RMST: variants seen among roughly 807,000 people sequenced by gnomAD.
RMST encodes rhabdomyosarcoma 2 associated transcript.
At chr12:97,466,826 T>C (rs1336574335) in intron 5 of RMST, among the ~76,000 whole-genome samples, 4 of 152,106 alleles carry the variant, frequency 2.6e-5, no homozygotes, top group African/African-American at 9.6e-5. Context: ...AAAAGTTATT[T>C]CAGAAAAGTC....
intron 10 of RMST, among the ~76,000 whole-genome samples, chr12:97,501,131 C>T (rs1270522850): frequency 1.3e-5 from 2 of 152,154 alleles, no homozygotes; most frequent in Non-Finnish European, 2.9e-5. Flanking sequence ...TGGAATATGA[C>T]CTAGCTGAAG....
chr12:97,470,683 AG>A (rs1291129042), intron 5 of RMST, among the ~76,000 whole-genome samples: 1 of 152,052 alleles, frequency 6.6e-6, no homozygotes, highest in Non-Finnish European at 1.5e-5. Context: ...TCTAAGGGAA[AG>A]TGCAATTGTG....
At chr12:97,529,876 A>G (rs1354016684) in intron 10 of RMST, among the ~76,000 whole-genome samples, 1 of 152,122 alleles carries the variant, frequency 6.6e-6, no homozygotes, top group African/African-American at 2.4e-5. Flanking sequence ...AATTTGTATT[A>G]AAATGTAATT....
chr12:97,537,375 G>C (rs560406651), intron 11 of RMST, among the ~76,000 whole-genome samples: 1 of 151,274 alleles, frequency 6.6e-6, no homozygotes, highest in Non-Finnish European at 1.5e-5. Context: ...GAAAATACAG[G>C]CCAATTAAAG....
chr12:97,532,645 GTTTTTTTTTTTT>G (rs34556876), intron 11 of RMST: 2 of 98,364 alleles, frequency 2.0e-5, no homozygotes, highest in East Asian at 6.6e-4. Flanking sequence ...CTGATGTCCC[GTTTTTTTTTTTT>G]TTTTTTTTTT....
intron 5 of RMST, among the ~76,000 whole-genome samples, chr12:97,482,749 T>TA (rs1875545225): frequency 2.3e-5 from 1 of 42,924 alleles, no homozygotes; most frequent in African/African-American, 7.8e-5. Flanking sequence ...ATTATTTATT[T>TA]ATTAAATAAA....
chr12:97,474,624 C>CAAAAA (rs34888626), intron 5 of RMST, among the ~76,000 whole-genome samples: 4 of 55,794 alleles, frequency 7.2e-5, no homozygotes, highest in Non-Finnish European at 9.8e-5. Context: ...AAAAAGAAGC[C>CAAAAA]AAAAAAAAAA....
At chr12:97,535,829 T>G (rs1882031027) in intron 11 of RMST, among the ~76,000 whole-genome samples, 1 of 151,584 alleles carries the variant, frequency 6.6e-6, no homozygotes, top group Admixed American at 6.6e-5. Flanking sequence ...GAGTTTAGAG[T>G]GCTTTGAGTA....
chr12:97,500,164 C>T (rs1283970858), intron 10 of RMST, among the ~76,000 whole-genome samples: 8 of 152,172 alleles, frequency 5.3e-5, no homozygotes, highest in Non-Finnish European at 1.0e-4. Flanking sequence ...TTATATCATT[C>T]AACGCAGAGA....
chr12:97,506,744 C>T lies in RMST; in HGVS notation n.1340+10688C>T, dbSNP rs184087025. Among the ~76,000 whole-genome samples the T allele has an allele frequency of 1.2e-3, 154 of 133,364 alleles. 2 individuals carry two copies. The South Asian group carries it at 0.013, about 11-fold the overall frequency. The allele number at this position is 133,364 out of a possible 152,430, so 87.5% of individuals were successfully genotyped here. On this transcript the variant is annotated intron_variant and non_coding_transcript_variant, in intron 10 of 13. Coordinates refer to ENST00000640149, the Ensembl canonical transcript of RMST. ...TGTCACCCAGGGTGGAGTGCAATGGCGCAATCTCCGCTCACTGCAACCTCT... is the reference window on the plus strand; with the variant it reads ...TGTCACCCAGGGTGGAGTGCAATGGTGCAATCTCCGCTCACTGCAACCTCT...
At chr12:97,497,561 C>G (rs1175070486) in intron 10 of RMST, among the ~76,000 whole-genome samples, 1 of 152,132 alleles carries the variant, frequency 6.6e-6, no homozygotes, top group African/African-American at 2.4e-5. Context: ...CTAAATGACC[C>G]CCTCATTGTC....
chr12:97,484,046 A>G (rs892750411), intron 5 of RMST, among the ~76,000 whole-genome samples: 1 of 152,150 alleles, frequency 6.6e-6, no homozygotes, highest in Non-Finnish European at 1.5e-5. Context: ...AATTAAGGAG[A>G]TGGAAACAGC....
chr12:97,490,136 A>G (rs1876611799), intron 5 of RMST, among the ~76,000 whole-genome samples: 1 of 152,216 alleles, frequency 6.6e-6, no homozygotes, highest in Non-Finnish European at 1.5e-5. Flanking sequence ...ATTTAGAAGA[A>G]TGAGTGAGAA....
intron 10 of RMST, among the ~76,000 whole-genome samples, chr12:97,521,780 C>G (rs1030592262): frequency 2.0e-5 from 3 of 152,068 alleles, no homozygotes; most frequent in Non-Finnish European, 4.4e-5. Context: ...TAATTTTACC[C>G]CCCAATATTC....
intron 11 of RMST, among the ~76,000 whole-genome samples, chr12:97,543,398 C>A (rs1329545211): frequency 2.6e-5 from 4 of 151,934 alleles, no homozygotes; most frequent in Non-Finnish European, 5.9e-5. Flanking sequence ...GTCTATCATC[C>A]CTCTAGAAAG....
chr12:97,466,603 C>T (rs902034909), intron 5 of RMST, among the ~76,000 whole-genome samples: 7 of 152,058 alleles, frequency 4.6e-5, no homozygotes, highest in African/African-American at 1.7e-4. Flanking sequence ...TAAATTCACT[C>T]TCTGAAGAAT....
intron 10 of RMST, among the ~76,000 whole-genome samples, chr12:97,504,500 C>A (rs1411963234): frequency 2.7e-5 from 4 of 149,874 alleles, no homozygotes; most frequent in Admixed American, 2.0e-4. Flanking sequence ...AAATACGTTT[C>A]TTATTTTATG....
intron 5 of RMST, among the ~76,000 whole-genome samples, chr12:97,489,594 T>A (rs1255132819): frequency 6.6e-6 from 1 of 152,212 alleles, no homozygotes; most frequent in Non-Finnish European, 1.5e-5. Context: ...TGTGAAAATA[T>A]GTCTCAGTGA....
intron 9 of RMST, among the ~76,000 whole-genome samples, chr12:97,495,752 G>A (rs1877346439): frequency 6.6e-6 from 1 of 152,110 alleles, no homozygotes; most frequent in Non-Finnish European, 1.5e-5. Context: ...CTGAGGGGAA[G>A]TGGCAATTAA....
Sources: allele counts gnomAD v4.1 joint callset (sites outside exome capture counted in the v4.1 genomes callset), GRCh38; gene constraint gnomAD v4.1.1; transcripts MANE v1.5; gene names NCBI Gene and HGNC (gene_info 2026-07-23, HGNC 2026-07-21).